SAMM50: variants seen among roughly 807,000 people sequenced by gnomAD.
SAMM50 encodes sorting and assembly machinery component 50 homolog.
SAMM50 carries 47 observed loss-of-function variants against 66.9 expected under a neutral mutation model. That is an observed-to-expected ratio of 0.70 (90% confidence interval 0.56 to 0.90). SAMM50 has a LOEUF of 0.90. SAMM50 is among the 40% of genes least tolerant of loss of function. The pLI, the probability that SAMM50 is intolerant of heterozygous loss-of-function variation, is 0.00. For synonymous variants in SAMM50, 191 were observed against 214.1 expected, an observed-to-expected ratio of 0.89 and a Z score of 0.94; for missense variants, 535 against 595.3, an observed-to-expected ratio of 0.90 and a Z score of 1.05.
At chr22:43,982,851 G>T (rs2050271851) in intron 11 of SAMM50, among the ~76,000 whole-genome samples, 1 of 152,152 alleles carries the variant, frequency 6.6e-6, no homozygotes, top group African/African-American at 2.4e-5. Context: ...GGCTAGGCTG[G>T]TCTCTAACTC....
rs779721641 is a variant in SAMM50, at chr22:43,996,390, C to A, written c.*7C>A. On this transcript the variant is annotated 3_prime_UTR_variant, in exon 15 of 15. Transcript: ENST00000350028. The stretch of plus-strand genomic sequence containing the variant: ...TGGGATAAGGTTCCTGTAGCCGACA[C>A]CCCTACAGGAGAAGCTCTGGGACTG... 23 of 1,613,876 alleles carry A rather than the reference C, an allele frequency of 1.4e-5. No homozygotes were observed. The highest frequency in any genetic ancestry group is 1.9e-5 in the Non-Finnish European group (22 of 1,179,864).
At chr22:43,985,925 G>A (rs2050290054) in intron 12 of SAMM50, among the ~76,000 whole-genome samples, 1 of 151,408 alleles carries the variant, frequency 6.6e-6, no homozygotes, top group Admixed American at 6.6e-5. Context: ...CCAAGCTTTG[G>A]ACATTGAGTT....
intron 14 of SAMM50, among the ~76,000 whole-genome samples, chr22:43,995,989 GTCCTTCCGGC>G (rs2146832369): frequency 6.6e-6 from 1 of 152,216 alleles, no homozygotes; most frequent in Admixed American, 6.5e-5. Context: ...TACCCACCTT[GTCCTTCCGGC>G]TCCTTCCCTC....
intron 10 of SAMM50, among the ~76,000 whole-genome samples, chr22:43,980,088 C>CCACT (rs2050254902): frequency 6.7e-6 from 1 of 149,390 alleles, no homozygotes. Context: ...ATCCGTCCGT[C>CCACT]CATCCATCCA....
chr22:43,978,296 G>A (rs1176215134), intron 10 of SAMM50, among the ~76,000 whole-genome samples: 8 of 151,820 alleles, frequency 5.3e-5, no homozygotes, highest in African/African-American at 1.5e-4. Flanking sequence ...TTAGCCGGGC[G>A]TGGTGGTGGG....
In SAMM50 at chr22:43,955,612, C is replaced by A. The variant is rs1215095347; in HGVS notation, c.21+14C>A. 2 of 1,588,304 alleles carry A rather than the reference C, an allele frequency of 1.3e-6. No homozygotes were observed. Among genetic ancestry groups the A allele is most frequent in the Non-Finnish European group, 1.7e-6 (2 of 1,168,324 alleles). On this transcript the variant is annotated intron_variant, in intron 1 of 14. Coordinates refer to ENST00000350028, the MANE Select transcript of SAMM50 (RefSeq NM_015380.5). ...GTGCACGCCCGGGTAAGAGGCCCAGCGACCCGCGGGCTGCGAGGCCTCTGG... is the reference window on the plus strand; with the variant it reads ...GTGCACGCCCGGGTAAGAGGCCCAGAGACCCGCGGGCTGCGAGGCCTCTGG...
intron 8 of SAMM50, 55 bp from the exon 9 acceptor site, chr22:43,976,695 G>T: frequency 7.5e-7 from 1 of 1,341,048 alleles, no homozygotes; most frequent in Non-Finnish European, 1.1e-6. Context: ...GAGTGCTCAT[G>T]GTTATCTAAT....
intron 2 of SAMM50, 95 bp from the exon 3 acceptor site, chr22:43,964,357 C>G: frequency 1.6e-6 from 1 of 630,544 alleles, no homozygotes; most frequent in Admixed American, 2.5e-5. Flanking sequence ...TGAAGAAAAC[C>G]TTGACATTAA....
In SAMM50 at chr22:43,964,830, G is replaced by A. The variant is rs569854630; in HGVS notation, c.234+277G>A. ...CGTTCCTCATAACTCTCCCAGCGCC[G>A]TAATGCGAGCCAGTGGGGTTAGTGC... On this transcript the variant is annotated intron_variant, in intron 3 of 14. Coordinates refer to ENST00000350028, the MANE Select transcript of SAMM50 (RefSeq NM_015380.5). Among the ~76,000 whole-genome samples, 10 of 152,278 alleles carry A rather than the reference G, an allele frequency of 6.6e-5. No individual in the cohort carries two copies. In the South Asian group the frequency reaches 2.1e-3, roughly 32 times the overall value.
At chr22:43,963,511 T>G (rs1020465590) in intron 2 of SAMM50, 115 bp downstream of exon 2, 1 of 537,862 alleles carries the variant, frequency 1.9e-6, no homozygotes, top group African/African-American at 1.9e-5. Flanking sequence ...CAAAGAAGAG[T>G]TTGTAACCAC....
At position 43,990,549 on chromosome 22, in the gene SAMM50, T is replaced by C. The variant is rs115054878; in HGVS notation, c.1364+143T>C. The C allele has an allele frequency of 1.1e-3, 1,008 of 914,534 alleles. 7 individuals are homozygous for C. The African/African-American group carries it at 0.015, about 14-fold the overall frequency. 56.7% of individuals were successfully genotyped at this position (914,534 alleles called of 1,614,324 possible). A position where few individuals can be genotyped will look rare whatever the true frequency, so the allele number is the denominator to read the frequency against. ...ATAGTTGCAAAATAATGAAAACACA[T>C]GTATTTTCCTCCTTTGCGTTTTTCT... On this transcript the variant is annotated intron_variant, in intron 14 of 14. Transcript: ENST00000350028.
intron 5 of SAMM50, 148 bp downstream of exon 5, chr22:43,972,490 C>T (rs2050208863): frequency 1.8e-6 from 1 of 544,496 alleles, no homozygotes; most frequent in Non-Finnish European, 3.2e-6. Context: ...TCTCTTTAAT[C>T]ACCGTAGAAT....
chr22:43,985,534 TTTC>T (rs2050287835), intron 12 of SAMM50, among the ~76,000 whole-genome samples: 3 of 152,104 alleles, frequency 2.0e-5, no homozygotes, highest in Non-Finnish European at 4.4e-5. Context: ...CAATAACTTG[TTTC>T]TTCTTATTGC....
At chr22:43,987,853 G>A (rs2050302216) in intron 12 of SAMM50, 1 of 151,402 alleles carries the variant, frequency 6.6e-6, no homozygotes, top group Non-Finnish European at 1.5e-5. Context: ...AGGAGAAAGT[G>A]TTTACAATAT....
rs143865499 is a variant in SAMM50, at chr22:43,961,314, A to C, written c.22-1972A>C. Among the ~76,000 whole-genome samples the C allele has an allele frequency of 5.2e-3, 786 of 152,342 alleles. 4 individuals carry two copies. The highest frequency in any genetic ancestry group is 0.011 in the South Asian group (54 of 4,830). ...TAGACCTTCTGTGTCCATCTCTAAG[A>C]GGTGACTGGGAATCCTCGTGTGGTT... is the stretch of plus-strand genomic sequence containing the variant. On this transcript the variant is annotated intron_variant, in intron 1 of 14. Coordinates refer to ENST00000350028, the MANE Select transcript of SAMM50 (RefSeq NM_015380.5).
chr22:43,956,465 T>C (rs2050120090), intron 1 of SAMM50, among the ~76,000 whole-genome samples: 1 of 152,242 alleles, frequency 6.6e-6, no homozygotes, highest in African/African-American at 2.4e-5. Flanking sequence ...TTTATATGTC[T>C]TTCATTCAGA....
intron 14 of SAMM50, among the ~76,000 whole-genome samples, chr22:43,994,253 C>G (rs757022812): frequency 1.3e-5 from 2 of 152,208 alleles, no homozygotes; most frequent in East Asian, 3.8e-4. Context: ...GAACCGCGTC[C>G]TACAGGAACA....
At chr22:43,996,065 A>G (rs746893239) in intron 14 of SAMM50, 47 of 519,180 alleles carry the variant, frequency 9.1e-5, no homozygotes, top group Non-Finnish European at 1.4e-4. Context: ...GGGAACGTGA[A>G]GGAGGTGAGG....
Position 43,993,877 on chromosome 22 carries a change from A to T in SAMM50, c.1365-2461A>T, listed in dbSNP as rs140581795. ...ATAGGACTTCAGACATTCACAAAGA[A>T]GGAAACAGTTTTGAGATGTTTGCTT... On this transcript the variant is annotated intron_variant, in intron 14 of 14. Transcript: ENST00000350028. Among the ~76,000 whole-genome samples, 200 of 152,356 alleles carry T rather than the reference A, an allele frequency of 1.3e-3. 1 individual carries two copies. The highest frequency in any genetic ancestry group is 2.1e-3 in the Non-Finnish European group (145 of 68,036).
Sources: gnomAD v4.1 joint callset for allele counts (sites outside exome capture counted in the v4.1 genomes callset) on GRCh38, gnomAD v4.1.1 for gene constraint, MANE v1.5 for transcripts, NCBI Gene and HGNC (gene_info 2026-07-23, HGNC 2026-07-21) for gene names.